Variants in CSNK2A1 observed in about 807,000 individuals in gnomAD.
CSNK2A1 encodes the protein casein kinase 2 alpha 1, also known as casein kinase II subunit alpha.
CSNK2A1 carries 10 observed loss-of-function variants against 62.9 expected under a neutral mutation model. That is an observed-to-expected ratio of 0.16 (90% confidence interval 0.10 to 0.27). The LOEUF (loss-of-function observed/expected upper bound fraction) is 0.27, where lower values mean the gene tolerates loss of function less well. Among genes scored for constraint, CSNK2A1 ranks in the 10% least tolerant of loss-of-function variants. The pLI, the probability that CSNK2A1 is intolerant of heterozygous loss-of-function variation, is 1.00. For synonymous variants in CSNK2A1, 124 were observed against 167.8 expected (o/e 0.74, Z 2.02); for missense variants, 160 against 492.0 (o/e 0.33, Z 6.38).
chr20:474,690 T>G lies in CSNK2A1; in HGVS notation c.*9271A>C, dbSNP rs530020388. The G allele has an allele frequency of 6.6e-6, 1 of 152,344 alleles. No individual in the cohort carries two copies. Among genetic ancestry groups the G allele is most frequent in the South Asian group, 2.1e-4 (1 of 4,828 alleles). The allele number at this position is 152,344 out of a possible 1,614,324, so 9.4% of individuals were successfully genotyped here. A position where few individuals can be genotyped will look rare whatever the true frequency, so the allele number is the denominator to read the frequency against. On this transcript the variant is annotated 3_prime_UTR_variant, in exon 14 of 14. Transcript: ENST00000217244. ...CTTATAAATGATGAGAGTTTAGAGC[T>G]TAGACCGCTTGTCCTGTTACCAACA...
intron 9 of CSNK2A1, among the ~76,000 whole-genome samples, chr20:490,338 T>TTTTTTC (rs1555762298): frequency 2.2e-5 from 3 of 137,236 alleles, no homozygotes; most frequent in African/African-American, 9.7e-5. Context: ...GTTTTTTCTT[T>TTTTTTC]TTTTTTTTTT....
chr20:488,326 G>GC (rs2018145900), intron 11 of CSNK2A1: 1 of 235,114 alleles, frequency 4.3e-6, no homozygotes, highest in Non-Finnish European at 8.4e-6. Flanking sequence ...CTTAAAGCAT[G>GC]CATTTTCTAC....
At chr20:488,008 C>T in intron 11 of CSNK2A1, 1 of 183,386 alleles carries the variant, frequency 5.5e-6, no homozygotes, top group Non-Finnish European at 1.1e-5. Flanking sequence ...TATCTAGTCA[C>T]TACTGTTAAG....
intron 1 of CSNK2A1, among the ~76,000 whole-genome samples, chr20:542,706 C>G (rs1410755626): frequency 6.6e-6 from 1 of 152,240 alleles, no homozygotes; most frequent in East Asian, 1.9e-4. Flanking sequence ...GCTGGGATTA[C>G]AGGCGTGAGC....
chr20:509,198 G>A (rs1417874467), intron 2 of CSNK2A1, among the ~76,000 whole-genome samples: 1 of 152,048 alleles, frequency 6.6e-6, no homozygotes, highest in African/African-American at 2.4e-5. Flanking sequence ...AATCTTTTGG[G>A]GGAACCTTAA....
chr20:532,598 G>T (rs980294884), intron 1 of CSNK2A1, among the ~76,000 whole-genome samples: 5 of 152,136 alleles, frequency 3.3e-5, no homozygotes, highest in Non-Finnish European at 7.4e-5. Flanking sequence ...TGCATGAATG[G>T]CCAGAGGTGT....
chr20:529,308 G>C (rs1474944797), intron 1 of CSNK2A1, among the ~76,000 whole-genome samples: 1 of 151,806 alleles, frequency 6.6e-6, no homozygotes, highest in African/African-American at 2.4e-5. Context: ...TTACAGGCAT[G>C]AGCCATTGCA....
intron 4 of CSNK2A1, chr20:503,220 G>A (rs1219956748): frequency 3.8e-5 from 13 of 338,684 alleles, no homozygotes; most frequent in Admixed American, 3.4e-4. Flanking sequence ...TCATAGATCC[G>A]TGCAACCTTC....
chr20:512,764 G>C (rs935736437), intron 2 of CSNK2A1, among the ~76,000 whole-genome samples: 3 of 152,156 alleles, frequency 2.0e-5, no homozygotes, highest in African/African-American at 7.2e-5. Context: ...AAACAACAAA[G>C]TAATTCAAGT....
chr20:495,836 T>C, intron 7 of CSNK2A1, 34 bp from the exon 8 acceptor site: 2 of 1,567,140 alleles, frequency 1.3e-6, no homozygotes, highest in Non-Finnish European at 8.8e-7. Flanking sequence ...GGAGTTAGCC[T>C]GAATAATACG....
chr20:515,063 A>G (rs1444197012), intron 2 of CSNK2A1, among the ~76,000 whole-genome samples: 4 of 152,228 alleles, frequency 2.6e-5, no homozygotes, highest in Admixed American at 6.5e-5. Flanking sequence ...TGACCCATAC[A>G]TATTGTTTTT....
intron 1 of CSNK2A1, among the ~76,000 whole-genome samples, chr20:535,649 A>G (rs1280766850): frequency 6.6e-6 from 1 of 150,760 alleles, no homozygotes; most frequent in Admixed American, 6.6e-5. Flanking sequence ...CCAGTTACTT[A>G]GGAGGCTGAG....
At chr20:497,318 T>C (rs778911734) in intron 7 of CSNK2A1, among the ~76,000 whole-genome samples, 1 of 152,174 alleles carries the variant, frequency 6.6e-6, no homozygotes, top group Non-Finnish European at 1.5e-5. Flanking sequence ...CAGCTAATTT[T>C]TAAATTTTTT....
rs992872114 is a variant in CSNK2A1, at chr20:481,852, G to A, written c.*2109C>T. The A allele has an allele frequency of 2.0e-5, 3 of 152,136 alleles. No homozygotes were observed. The highest frequency in any genetic ancestry group is 4.4e-5 in the Non-Finnish European group (3 of 68,036). The allele number at this position is 152,136 out of a possible 1,614,324, so 9.4% of individuals were successfully genotyped here. A position where few individuals can be genotyped will look rare whatever the true frequency, so the allele number is the denominator to read the frequency against. ...CACAAATTGCATCTCTGGCACATCT[G>A]GTGCTTTTAGCTTCTGCACAAATTC... On this transcript the variant is annotated 3_prime_UTR_variant, in exon 14 of 14. Transcript: ENST00000217244.
chr20:514,549 C>A (rs1237467577), intron 2 of CSNK2A1, among the ~76,000 whole-genome samples: 2 of 152,038 alleles, frequency 1.3e-5, no homozygotes, highest in Non-Finnish European at 2.9e-5. Context: ...TTGAGCAATC[C>A]TCCCACCTCA....
intron 7 of CSNK2A1, chr20:496,199 T>C: frequency 5.7e-6 from 1 of 173,998 alleles, no homozygotes; most frequent in South Asian, 1.4e-4. Flanking sequence ...TAAGAGTCTG[T>C]AACAGAGGTT....
chr20:497,373 C>CT (rs2018366589), intron 7 of CSNK2A1, among the ~76,000 whole-genome samples: 1 of 152,170 alleles, frequency 6.6e-6, no homozygotes, highest in Admixed American at 6.5e-5. Flanking sequence ...GTCTTGATCT[C>CT]CTGGCCTCAA....
rs117415017 is a variant in CSNK2A1, at chr20:478,440, C to A, written c.*5521G>T. On this transcript the variant is annotated 3_prime_UTR_variant, in exon 14 of 14. Transcript: ENST00000217244. ...CCAGGGTGGGATCAGGAAGCCAGCC[C>A]CAGCTGCTGCAGCATTTTTTTCCCT... is the stretch of plus-strand genomic sequence containing the variant. 9.2e-3 allele frequency: 2,055 copies of A among 223,902 alleles called. 14 individuals are homozygous for A. The highest frequency in any genetic ancestry group is 0.015 in the Non-Finnish European group (1,575 of 108,278). 13.9% of individuals were successfully genotyped at this position (223,902 alleles called of 1,614,324 possible).
In CSNK2A1 at chr20:488,518, C is replaced by CT. The variant is rs2018149582; in HGVS notation, c.824+159dup. Reference sequence around the variant, plus strand: ...AATAAAGGGCCATTCAATCCAATGCCTTTATCAGAGGCCTGCTCAATGCAG... The same window carrying CT: ...AATAAAGGGCCATTCAATCCAATGCCTTTTATCAGAGGCCTGCTCAATGCAG... On this transcript the variant is annotated intron_variant, in intron 11 of 13. Transcript: ENST00000217244. 5 of 662,572 alleles carry CT rather than the reference C, an allele frequency of 7.5e-6. No individual in the cohort carries two copies. In the South Asian group the frequency reaches 9.6e-5, roughly 13 times the overall value. 41.0% of individuals were successfully genotyped at this position (662,572 alleles called of 1,614,324 possible).
Sources: allele counts gnomAD v4.1 joint callset (sites outside exome capture counted in the v4.1 genomes callset), GRCh38; gene constraint gnomAD v4.1.1; transcripts MANE v1.5; gene names NCBI Gene and HGNC (gene_info 2026-07-23, HGNC 2026-07-21).